Variants in NDUFAF2 observed in about 807,000 individuals in gnomAD.
NDUFAF2 encodes the protein NADH:ubiquinone oxidoreductase complex assembly factor 2, also known as NADH dehydrogenase [ubiquinone] 1 alpha subcomplex assembly factor 2.
Under a neutral mutation model 22.8 loss-of-function variants are expected in NDUFAF2, and 13 were observed. That is an observed-to-expected ratio of 0.57 (90% CI 0.37 to 0.91). The LOEUF (loss-of-function observed/expected upper bound fraction) is 0.91, where lower values mean the gene tolerates loss of function less well. NDUFAF2 is among the 40% of genes least tolerant of loss of function. The pLI is 0.01. For synonymous variants in NDUFAF2, 53 were observed against 64.2 expected, an observed-to-expected ratio of 0.83 and a Z score of 0.84; for missense variants, 162 against 195.2, an observed-to-expected ratio of 0.83 and a Z score of 1.01.
intron 1 of NDUFAF2, among the ~76,000 whole-genome samples, chr5:60,974,173 T>A (rs751651728): frequency 2.0e-5 from 3 of 152,208 alleles, no homozygotes; most frequent in Non-Finnish European, 4.4e-5. Context: ...GCTGCTAGAT[T>A]AAAGCAGGCA....
chr5:61,062,047 C>A (rs1752171089), intron 1 of NDUFAF2, among the ~76,000 whole-genome samples: 1 of 152,156 alleles, frequency 6.6e-6, no homozygotes, highest in Non-Finnish European at 1.5e-5. Flanking sequence ...TTGGTACCAT[C>A]TACATGTGAA....
At chr5:61,138,838 G>C (rs1241972915) in intron 3 of NDUFAF2, among the ~76,000 whole-genome samples, 1 of 152,170 alleles carries the variant, frequency 6.6e-6, no homozygotes, top group Non-Finnish European at 1.5e-5. Context: ...TTCAAGTGTA[G>C]TCTAATTGTA....
chr5:61,041,586 A>T (rs1751883076), intron 1 of NDUFAF2, among the ~76,000 whole-genome samples: 1 of 152,212 alleles, frequency 6.6e-6, no homozygotes, highest in East Asian at 1.9e-4. Flanking sequence ...AACTTGGTAG[A>T]CTTAACTATG....
At chr5:61,108,098 C>G (rs1752791302) in intron 3 of NDUFAF2, among the ~76,000 whole-genome samples, 1 of 149,000 alleles carries the variant, frequency 6.7e-6, no homozygotes, top group Non-Finnish European at 1.5e-5. Context: ...TCCAGTCTAT[C>G]ATTGTTGGAC....
At chr5:61,148,972 T>C (rs1034863840) in intron 3 of NDUFAF2, among the ~76,000 whole-genome samples, 1 of 152,046 alleles carries the variant, frequency 6.6e-6, no homozygotes, top group African/African-American at 2.4e-5. Context: ...TATTGTTGGT[T>C]TATTCATTTA....
At chr5:60,994,354 C>G (rs1580085259) in intron 1 of NDUFAF2, among the ~76,000 whole-genome samples, 2 of 152,144 alleles carry the variant, frequency 1.3e-5, no homozygotes, top group South Asian at 4.1e-4. Context: ...CTGCCTGCTC[C>G]AGGAGTGGGA....
At chr5:60,985,622 A>G (rs1175002298) in intron 1 of NDUFAF2, among the ~76,000 whole-genome samples, 3 of 152,130 alleles carry the variant, frequency 2.0e-5, no homozygotes, top group Non-Finnish European at 4.4e-5. Context: ...TTGAAAGAAC[A>G]TTTTTATTTC....
intron 1 of NDUFAF2, among the ~76,000 whole-genome samples, chr5:61,050,032 G>A (rs774216817): frequency 6.6e-6 from 1 of 151,778 alleles, no homozygotes. Context: ...CAATGCACAT[G>A]GACATACAAA....
intron 3 of NDUFAF2, among the ~76,000 whole-genome samples, chr5:61,132,786 T>G (rs1353100677): frequency 6.6e-6 from 1 of 152,202 alleles, no homozygotes; most frequent in East Asian, 1.9e-4. Flanking sequence ...CTATTCACAT[T>G]GCCTGAAGTG....
chr5:61,027,053 AATTAT>A (rs1418278695), intron 1 of NDUFAF2, among the ~76,000 whole-genome samples: 2 of 151,578 alleles, frequency 1.3e-5, no homozygotes, highest in Non-Finnish European at 1.5e-5. Flanking sequence ...TATTAAGAAA[AATTAT>A]ATTTAATTTA....
intron 1 of NDUFAF2, among the ~76,000 whole-genome samples, chr5:61,023,693 A>G (rs1487507261): frequency 1.3e-5 from 2 of 152,164 alleles, no homozygotes; most frequent in Non-Finnish European, 2.9e-5. Flanking sequence ...TTTATGTTTT[A>G]GTGGTGACTG....
At chr5:60,998,356 T>C (rs1436300922) in intron 1 of NDUFAF2, among the ~76,000 whole-genome samples, 1 of 152,106 alleles carries the variant, frequency 6.6e-6, no homozygotes, top group East Asian at 1.9e-4. Flanking sequence ...TGAAATAAGG[T>C]ATGTGAAACC....
intron 1 of NDUFAF2, among the ~76,000 whole-genome samples, chr5:60,967,791 G>T (rs541756551): frequency 1.3e-5 from 2 of 150,724 alleles, no homozygotes. Flanking sequence ...AGGAATATTG[G>T]CATATAATTT....
At chr5:61,018,958 A>G (rs1051671658) in intron 1 of NDUFAF2, among the ~76,000 whole-genome samples, 1 of 152,098 alleles carries the variant, frequency 6.6e-6, no homozygotes, top group African/African-American at 2.4e-5. Flanking sequence ...ATGCACACAC[A>G]AAAAATAAGT....
intron 1 of NDUFAF2, among the ~76,000 whole-genome samples, chr5:61,017,900 T>C (rs553778407): frequency 1.9e-4 from 29 of 152,108 alleles, no homozygotes; most frequent in African/African-American, 6.5e-4. Flanking sequence ...CAGGCATGCG[T>C]CACCACACCC....
chr5:61,138,484 G>C (rs1740996850), intron 3 of NDUFAF2, among the ~76,000 whole-genome samples: 1 of 152,146 alleles, frequency 6.6e-6, no homozygotes, highest in Admixed American at 6.5e-5. Context: ...GGACATCCCA[G>C]TAACAGCCTC....
intron 1 of NDUFAF2, among the ~76,000 whole-genome samples, chr5:61,042,264 C>T (rs1201144423): frequency 6.6e-6 from 1 of 151,784 alleles, no homozygotes. Context: ...AGGACCAGTT[C>T]CATAAATTAT....
chr5:61,127,053 C>T (rs559069944), intron 3 of NDUFAF2, among the ~76,000 whole-genome samples: 1 of 152,220 alleles, frequency 6.6e-6, no homozygotes, highest in Non-Finnish European at 1.5e-5. Flanking sequence ...GGATAAATGC[C>T]TCAACACATA....
chr5:61,040,076 A>G lies in NDUFAF2; in HGVS notation c.128-33049A>G, dbSNP rs183320249. On this transcript the variant is annotated intron_variant, in intron 1 of 3. Coordinates refer to ENST00000296597, the MANE Select transcript of NDUFAF2 (RefSeq NM_174889.5). ...ATTTTTTTGTTCTTTTTCCTCATACATGGTCAATATAGTGGGTTGAATAGT... is the reference window on the plus strand; with the variant it reads ...ATTTTTTTGTTCTTTTTCCTCATACGTGGTCAATATAGTGGGTTGAATAGT... Among the ~76,000 whole-genome samples, 4 of 152,178 alleles carry G rather than the reference A, an allele frequency of 2.6e-5. No homozygotes were observed. In the South Asian group the frequency reaches 6.2e-4, roughly 24 times the overall value.
Sources: gnomAD v4.1 joint callset for allele counts (sites outside exome capture counted in the v4.1 genomes callset) on GRCh38, gnomAD v4.1.1 for gene constraint, MANE v1.5 for transcripts, NCBI Gene and HGNC (gene_info 2026-07-23, HGNC 2026-07-21) for gene names.